Variants in LRIG1 observed in about 807,000 individuals in gnomAD.
LRIG1 encodes leucine-rich repeats and immunoglobulin-like domains protein 1.
A neutral mutation model predicts 99.2 loss-of-function variants in LRIG1; 48 were observed. The ratio of observed to expected loss-of-function variants is 0.48; its 90% confidence interval spans 0.38 to 0.62. The LOEUF (loss-of-function observed/expected upper bound fraction) is 0.62. Ranked by LOEUF, LRIG1 falls within the 20% of genes least tolerant of loss-of-function variation. LRIG1 has a pLI of 0.00. For synonymous variants in LRIG1, 772 were observed against 596.1 expected (o/e 1.29, Z -4.30); for missense variants, 1,646 against 1,434.4 (o/e 1.15, Z -2.38).
chr3:66,449,606 G>A (rs1015350468), intron 3 of LRIG1, among the ~76,000 whole-genome samples: 15 of 152,334 alleles, frequency 9.8e-5, no homozygotes, highest in African/African-American at 3.6e-4. Flanking sequence ...GGCAAACTGG[G>A]GGCCCTGCCT....
At chr3:66,395,419 C>T (rs532487500) in intron 11 of LRIG1, among the ~76,000 whole-genome samples, 1 of 152,312 alleles carries the variant, frequency 6.6e-6, no homozygotes, top group South Asian at 2.1e-4. Context: ...GAAGTGTAAG[C>T]AGATGACCCA....
intron 1 of LRIG1, among the ~76,000 whole-genome samples, chr3:66,482,041 G>A (rs1025653339): frequency 5.3e-5 from 8 of 152,196 alleles, no homozygotes; most frequent in African/African-American, 1.9e-4. Context: ...GCTAATCTGC[G>A]CTGATTCCTA....
chr3:66,403,920 C>T (rs13093988), intron 9 of LRIG1, among the ~76,000 whole-genome samples: 31,555 of 152,190 alleles, frequency 0.21, 3,528 homozygotes, highest in Admixed American at 0.28. Flanking sequence ...TGGAGCTCTT[C>T]TTGCTAAGAA....
At chr3:66,451,896 A>G (rs1405779290) in intron 2 of LRIG1, among the ~76,000 whole-genome samples, 1 of 152,212 alleles carries the variant, frequency 6.6e-6, no homozygotes, top group African/African-American at 2.4e-5. Context: ...GCTTCCCATC[A>G]AACTCAGAAA....
rs751112607 is a variant in LRIG1, at chr3:66,380,667, G to A, written c.2965C>T (p.Pro989Ser). The A allele has an allele frequency of 1.2e-6, 2 of 1,614,170 alleles. No individual in the cohort carries two copies. The highest frequency in any genetic ancestry group is 1.3e-5 in the African/African-American group (1 of 75,044). The change falls in exon 18 of 19, where the codon CCC (proline) becomes TCC (serine). Residue 989 changes from proline (P) to serine (S), a missense_variant. By Grantham distance (74) the Pro-to-Ser change is moderately conservative. Coordinates refer to ENST00000273261, the MANE Select transcript of LRIG1 (RefSeq NM_015541.3). ...GGGTAGAGCGACCCTTGGCACTCGG[G>A]GCAGGACCCAGCGGCAGTCCTGCTG... ...QCSRTAAGSC[P>S]ECQGSLYPSN...
intron 8 of LRIG1, chr3:66,406,032 T>C (rs1409821670): frequency 1.0e-6 from 1 of 987,764 alleles, no homozygotes; most frequent in Non-Finnish European, 1.2e-6. Flanking sequence ...TTCCACAAGG[T>C]TCTTGGTTCT....
chr3:66,384,256 G>C lies in LRIG1; in HGVS notation c.1806C>G (p.Thr602=), dbSNP rs141588747. Reference sequence around the variant, plus strand: ...GGATGGTTATGTCGTGGGGCGTTTTGGTGAATGATGGCAACACTGGAAAAC... The same window carrying C: ...GGATGGTTATGTCGTGGGGCGTTTTCGTGAATGATGGCAACACTGGAAAAC... ...RLTVNVLPSF[T]KTPHDITIRT... is the part of the protein sequence containing the mutation. The change falls in exon 14 of 19, where the codon ACC becomes ACG. Residue 602 remains threonine, a synonymous_variant. Coordinates refer to ENST00000273261, the MANE Select transcript of LRIG1 (RefSeq NM_015541.3). 1,049 of 1,611,556 alleles carry C rather than the reference G, an allele frequency of 6.5e-4. 1 individual carries two copies. Among genetic ancestry groups the C allele is most frequent in the Non-Finnish European group, 7.8e-4 (917 of 1,177,798 alleles).
intron 3 of LRIG1, among the ~76,000 whole-genome samples, chr3:66,445,274 G>GT (rs112630334): frequency 0.043 from 6,273 of 145,864 alleles, 405 homozygotes; most frequent in African/African-American, 0.14. Flanking sequence ...TAAAAGTAAG[G>GT]TTTTTTTTTT....
intron 12 of LRIG1, among the ~76,000 whole-genome samples, chr3:66,388,671 CCA>C (rs1433537210): frequency 1.3e-5 from 2 of 151,896 alleles, no homozygotes; most frequent in African/African-American, 4.8e-5. Flanking sequence ...TTACCAGAAC[CCA>C]CAGAGAACAG....
At chr3:66,478,601 C>T (rs1447266569) in intron 1 of LRIG1, among the ~76,000 whole-genome samples, 1 of 152,154 alleles carries the variant, frequency 6.6e-6, no homozygotes, top group Non-Finnish European at 1.5e-5. Flanking sequence ...GATTCCCAGG[C>T]CCTGGCACCA....
intron 1 of LRIG1, among the ~76,000 whole-genome samples, chr3:66,473,586 G>A (rs1418564405): frequency 6.6e-6 from 1 of 152,110 alleles, no homozygotes; most frequent in African/African-American, 2.4e-5. Flanking sequence ...TATTTTCTAG[G>A]TTTATCCTCT....
chr3:66,472,615 A>G (rs1013155548), intron 1 of LRIG1, among the ~76,000 whole-genome samples: 2 of 152,214 alleles, frequency 1.3e-5, no homozygotes, highest in Admixed American at 1.3e-4. Context: ...CCTGGTCATG[A>G]GAGCAGGGTG....
intron 2 of LRIG1, among the ~76,000 whole-genome samples, chr3:66,456,943 C>T (rs1256536623): frequency 6.6e-6 from 1 of 152,216 alleles, no homozygotes; most frequent in Non-Finnish European, 1.5e-5. Flanking sequence ...GCTGGAGGCA[C>T]TCCCTGGTGG....
rs113003716 is a variant in LRIG1 at position 66,379,957 on chromosome 3, C to T, written c.*306G>A. On this transcript the variant is annotated 3_prime_UTR_variant, in exon 19 of 19. Coordinates refer to ENST00000273261, the MANE Select transcript of LRIG1 (RefSeq NM_015541.3). ...AACCTGATACGAAAAATAATATTGTCAAAATTGTATAATTTTTTTCTGTTA... is the reference window on the plus strand; with the variant it reads ...AACCTGATACGAAAAATAATATTGTTAAAATTGTATAATTTTTTTCTGTTA... The T allele has an allele frequency of 0.011, 2,242 of 199,616 alleles. 57 individuals are homozygous for T. The highest frequency in any genetic ancestry group is 0.05 in the African/African-American group (2,131 of 42,996). The allele number at this position is 199,616 out of a possible 1,614,324, so 12.4% of individuals were successfully genotyped here.
intron 3 of LRIG1, among the ~76,000 whole-genome samples, chr3:66,442,457 A>G (rs73083562): frequency 0.039 from 5,898 of 151,874 alleles, 168 homozygotes; most frequent in Admixed American, 0.066. Flanking sequence ...GGGGAGGAGG[A>G]GGAGGAGGAG....
At chr3:66,492,281 C>T (rs561943618) in intron 1 of LRIG1, among the ~76,000 whole-genome samples, 2 of 152,296 alleles carry the variant, frequency 1.3e-5, no homozygotes, top group South Asian at 4.1e-4. Flanking sequence ...AAGTTCAGTG[C>T]AATGTATGCT....
chr3:66,386,484 C>T (rs370728420), intron 12 of LRIG1, 183 bp from the exon 13 acceptor site: 3 of 601,016 alleles, frequency 5.0e-6, no homozygotes, highest in Admixed American at 2.9e-5. Flanking sequence ...CTGACCTCAT[C>T]TAATTAGAAG....
intron 1 of LRIG1, among the ~76,000 whole-genome samples, chr3:66,464,733 T>C (rs1008112552): frequency 6.6e-6 from 1 of 152,130 alleles, no homozygotes; most frequent in Non-Finnish European, 1.5e-5. Flanking sequence ...TGAGATAACT[T>C]CCCTCACTTC....
rs1187522744 is a variant in LRIG1, at chr3:66,386,266, C to T, written c.1504G>A (p.Glu502Lys). The T allele has an allele frequency of 6.2e-7, 1 of 1,614,090 alleles. No homozygotes were observed. Among genetic ancestry groups the T allele is most frequent in the East Asian group, 2.2e-5 (1 of 44,880 alleles). ...FLKPQIITQP[E>K]TTMAMVGKDI... ...TTGCCCACCATAGCCATGGTGGTTT[C>T]TGGCTGGGTGATGATCTGTGGCTTC... Residue 502 changes from glutamate (E) to lysine (K), a missense_variant, in exon 13 of 19, where the codon GAA becomes AAA. Glu to Lys is a moderately conservative substitution (Grantham distance 56). Coordinates refer to ENST00000273261, the MANE Select transcript of LRIG1 (RefSeq NM_015541.3).
Sources: gnomAD v4.1 joint callset for allele counts (sites outside exome capture counted in the v4.1 genomes callset) on GRCh38, gnomAD v4.1.1 for gene constraint, MANE v1.5 for transcripts, NCBI Gene and HGNC (gene_info 2026-07-23, HGNC 2026-07-21) for gene names.